Variants in SPATA16 observed in about 807,000 individuals in gnomAD.
SPATA16 encodes spermatogenesis associated 16.
SPATA16 carries 36 observed loss-of-function variants against 63.3 expected under a neutral mutation model. The observed-to-expected ratio is 0.57, with a 90% CI of 0.44 to 0.75. The LOEUF (loss-of-function observed/expected upper bound fraction) is 0.75. Among genes scored for constraint, SPATA16 ranks in the 30% least tolerant of loss-of-function variants. The pLI, the probability that SPATA16 is intolerant of heterozygous loss-of-function variation, is 0.00. For missense variants in SPATA16, 646 were observed against 679.3 expected, an observed-to-expected ratio of 0.95 and a Z score of 0.54; for synonymous variants, 203 against 216.7, an observed-to-expected ratio of 0.94 and a Z score of 0.56.
chr3:172,919,829 C>T (rs947268190), intron 8 of SPATA16, among the ~76,000 whole-genome samples: 3 of 151,942 alleles, frequency 2.0e-5, no homozygotes, highest in Non-Finnish European at 4.4e-5. Flanking sequence ...AGGCATGCGC[C>T]ACCACATCTG....
At chr3:172,936,997 A>G (rs560942444) in intron 6 of SPATA16, among the ~76,000 whole-genome samples, 4 of 152,150 alleles carry the variant, frequency 2.6e-5, no homozygotes, top group Non-Finnish European at 5.9e-5. Context: ...TATAACTGGT[A>G]TCTAAAGTGG....
At chr3:173,107,416 G>C (rs1465281849) in intron 2 of SPATA16, among the ~76,000 whole-genome samples, 3 of 151,172 alleles carry the variant, frequency 2.0e-5, no homozygotes, top group Non-Finnish European at 4.4e-5. Context: ...TACAAAACAA[G>C]GGAACCACAC....
intron 2 of SPATA16, among the ~76,000 whole-genome samples, chr3:173,109,234 G>A (rs1737690928): frequency 6.6e-6 from 1 of 151,882 alleles, no homozygotes; most frequent in Non-Finnish European, 1.5e-5. Context: ...CTGTCCTTTT[G>A]ATTCTCTCCA....
chr3:173,123,959 C>T (rs1738158192), intron 1 of SPATA16, among the ~76,000 whole-genome samples: 1 of 151,918 alleles, frequency 6.6e-6, no homozygotes, highest in Non-Finnish European at 1.5e-5. Context: ...TAATTATGGC[C>T]CTGCTATATT....
chr3:173,094,793 G>T (rs370300705), intron 2 of SPATA16, among the ~76,000 whole-genome samples: 1 of 151,124 alleles, frequency 6.6e-6, no homozygotes, highest in East Asian at 2.0e-4. Context: ...TGGGCAGGCC[G>T]TAGGGCTAAG....
chr3:173,059,395 T>C (rs1470048835), intron 2 of SPATA16, among the ~76,000 whole-genome samples: 2 of 151,758 alleles, frequency 1.3e-5, no homozygotes, highest in African/African-American at 2.4e-5. Flanking sequence ...TATGCTAATG[T>C]CTTTAGTTGA....
chr3:172,890,427 G>T (rs370641423), intron 10 of SPATA16, among the ~76,000 whole-genome samples: 1 of 152,094 alleles, frequency 6.6e-6, no homozygotes, highest in Non-Finnish European at 1.5e-5. Context: ...GTAGATATAC[G>T]ATTCATACTT....
intron 10 of SPATA16, among the ~76,000 whole-genome samples, chr3:172,910,092 C>CTTTT (rs35827342): frequency 4.7e-5 from 6 of 127,138 alleles, no homozygotes; most frequent in Non-Finnish European, 6.7e-5. Flanking sequence ...ACAGCAAATG[C>CTTTT]TTTTTTTTTT....
intron 2 of SPATA16, among the ~76,000 whole-genome samples, chr3:173,103,670 A>G (rs1737548065): frequency 6.6e-6 from 1 of 152,198 alleles, no homozygotes; most frequent in African/African-American, 2.4e-5. Context: ...TATTTCCTCC[A>G]GGGCCTCAAG....
At chr3:172,930,943 C>T (rs1399651919) in intron 6 of SPATA16, among the ~76,000 whole-genome samples, 2 of 152,164 alleles carry the variant, frequency 1.3e-5, no homozygotes, top group Admixed American at 1.3e-4. Flanking sequence ...CTGCCTCAGC[C>T]TCCTGAGTTG....
At chr3:172,936,550 TG>T (rs2109594326) in intron 6 of SPATA16, among the ~76,000 whole-genome samples, 1 of 152,344 alleles carries the variant, frequency 6.6e-6, no homozygotes, top group African/African-American at 2.4e-5. Flanking sequence ...TATGGTATTT[TG>T]TTGCTATTAT....
intron 2 of SPATA16, among the ~76,000 whole-genome samples, chr3:173,055,752 G>A (rs942113315): frequency 2.0e-5 from 3 of 152,144 alleles, no homozygotes; most frequent in African/African-American, 7.2e-5. Flanking sequence ...GAGTGAAAGT[G>A]CAAGTAAAAC....
chr3:173,052,551 A>G (rs1057174329), intron 2 of SPATA16, among the ~76,000 whole-genome samples: 2 of 152,204 alleles, frequency 1.3e-5, no homozygotes, highest in African/African-American at 2.4e-5. Flanking sequence ...TAAGCTTTGC[A>G]ATAAGGCAAA....
chr3:172,940,908 G>A (rs1042594253), intron 6 of SPATA16, among the ~76,000 whole-genome samples: 2 of 152,052 alleles, frequency 1.3e-5, no homozygotes, highest in Non-Finnish European at 1.5e-5. Context: ...GCTTGAACCC[G>A]GGAGGCGGAG....
intron 5 of SPATA16, among the ~76,000 whole-genome samples, chr3:172,970,727 A>G (rs891940642): frequency 1.7e-4 from 26 of 152,166 alleles, no homozygotes; most frequent in African/African-American, 6.3e-4. Context: ...TTCAGATGGT[A>G]TTGCTATTTT....
intron 1 of SPATA16, among the ~76,000 whole-genome samples, chr3:173,128,772 G>T (rs533537113): frequency 6.6e-6 from 1 of 152,358 alleles, no homozygotes; most frequent in Admixed American, 6.5e-5. Flanking sequence ...AAATGCTAGA[G>T]CAAGTTTTCC....
chr3:172,916,704 G>A (rs1252323825), intron 8 of SPATA16, among the ~76,000 whole-genome samples: 2 of 152,078 alleles, frequency 1.3e-5, no homozygotes, highest in Admixed American at 6.5e-5. Context: ...CTGTTGAGAC[G>A]GATTTGCTGA....
chr3:172,994,654 T>C (rs1319688810), intron 4 of SPATA16, among the ~76,000 whole-genome samples: 1 of 152,132 alleles, frequency 6.6e-6, no homozygotes, highest in Non-Finnish European at 1.5e-5. Context: ...TTGTAGATTA[T>C]GGAGAGCCAT....
intron 8 of SPATA16, among the ~76,000 whole-genome samples, chr3:172,918,913 A>G (rs1292611080): frequency 1.3e-5 from 2 of 152,226 alleles, no homozygotes; most frequent in Non-Finnish European, 2.9e-5. Context: ...AAGTGGCACT[A>G]TATTATACTG....
Sources: gnomAD v4.1 joint callset for allele counts (sites outside exome capture counted in the v4.1 genomes callset) on GRCh38, gnomAD v4.1.1 for gene constraint, MANE v1.5 for transcripts, NCBI Gene and HGNC (gene_info 2026-07-23, HGNC 2026-07-21) for gene names.